MLLT3: variants seen among roughly 807,000 people sequenced by gnomAD.
MLLT3 encodes protein AF-9.
Under a neutral mutation model 53.2 loss-of-function variants are expected in MLLT3, and 4 were observed. That is an observed-to-expected ratio of 0.08 (90% CI 0.04 to 0.17). The LOEUF is 0.17. Among genes scored for constraint, MLLT3 ranks in the 10% least tolerant of loss-of-function variants. MLLT3 has a pLI of 1.00. For missense variants in MLLT3, 569 were observed against 684.0 expected (o/e 0.83, Z 1.87); for synonymous variants, 283 against 230.6 (o/e 1.23, Z -2.06).
Position 20,493,970 on chromosome 9 carries a change from C to T in MLLT3, c.194-37184G>A, listed in dbSNP as rs12682975. ...TACCTCCTTCCTCACTTTTCTGGAA[C>T]GCACATTTCCAACATACTCAACCAT... is the stretch of plus-strand genomic sequence containing the variant. On this transcript the variant is annotated intron_variant, in intron 2 of 10. Coordinates refer to ENST00000380338, the MANE Select transcript of MLLT3 (RefSeq NM_004529.4). 3.5e-4 allele frequency among the ~76,000 whole-genome samples: 54 copies of T among 152,140 alleles called. 2 individuals are homozygous for T. In the East Asian group the frequency reaches 6.2e-3, roughly 17 times the overall value.
intron 5 of MLLT3, among the ~76,000 whole-genome samples, chr9:20,408,882 CTTCT>C (rs1822654555): frequency 6.6e-6 from 1 of 151,528 alleles, no homozygotes; most frequent in Non-Finnish European, 1.5e-5. Flanking sequence ...TTTTTTTTTC[CTTCT>C]TTCTTTTTGA....
chr9:20,521,770 A>T (rs2118980552), intron 2 of MLLT3, among the ~76,000 whole-genome samples: 1 of 152,278 alleles, frequency 6.6e-6, no homozygotes, highest in Middle Eastern at 3.4e-3. Flanking sequence ...ATGGAGAAAA[A>T]TCCCTTATTG....
intron 2 of MLLT3, among the ~76,000 whole-genome samples, chr9:20,594,503 T>G (rs939911655): frequency 1.3e-5 from 2 of 152,104 alleles, no homozygotes; most frequent in Non-Finnish European, 2.9e-5. Context: ...TCAGAGGTGT[T>G]TGAACCAGAG....
chr9:20,552,022 C>T (rs1193519667), intron 2 of MLLT3, among the ~76,000 whole-genome samples: 5 of 152,190 alleles, frequency 3.3e-5, no homozygotes, highest in Non-Finnish European at 4.4e-5. Context: ...TCCACCCACC[C>T]GGATCCCTTT....
intron 5 of MLLT3, among the ~76,000 whole-genome samples, chr9:20,374,654 C>A (rs1338669895): frequency 6.6e-6 from 1 of 152,068 alleles, no homozygotes; most frequent in African/African-American, 2.4e-5. Flanking sequence ...TTAGTAACTG[C>A]TTCAAAAACA....
intron 2 of MLLT3, among the ~76,000 whole-genome samples, chr9:20,499,362 T>G (rs766532525): frequency 1.3e-5 from 2 of 152,190 alleles, no homozygotes; most frequent in Non-Finnish European, 2.9e-5. Flanking sequence ...GTTTAATATG[T>G]TTTTAAAACC....
At chr9:20,478,539 G>A (rs1454551760) in intron 2 of MLLT3, among the ~76,000 whole-genome samples, 2 of 152,086 alleles carry the variant, frequency 1.3e-5, no homozygotes, top group African/African-American at 2.4e-5. Context: ...CCAACTGATC[G>A]TAGTCTTATA....
At chr9:20,494,862 ACAGGTAC>A (rs1825042616) in intron 2 of MLLT3, among the ~76,000 whole-genome samples, 1 of 152,200 alleles carries the variant, frequency 6.6e-6, no homozygotes, top group Non-Finnish European at 1.5e-5. Flanking sequence ...TATTAATTTT[ACAGGTAC>A]CAAATGGATC....
At chr9:20,526,187 A>C (rs928406544) in intron 2 of MLLT3, among the ~76,000 whole-genome samples, 1 of 152,244 alleles carries the variant, frequency 6.6e-6, no homozygotes, top group Non-Finnish European at 1.5e-5. Context: ...TTTAAAAAGT[A>C]AGCTTATCAA....
intron 5 of MLLT3, among the ~76,000 whole-genome samples, chr9:20,399,892 G>T (rs1242684912): frequency 1.3e-5 from 2 of 152,016 alleles, no homozygotes; most frequent in South Asian, 2.1e-4. Context: ...TGCTGGTTTG[G>T]GGGGAGAAAG....
At chr9:20,519,587 T>C (rs1229541722) in intron 2 of MLLT3, among the ~76,000 whole-genome samples, 2 of 152,026 alleles carry the variant, frequency 1.3e-5, no homozygotes, top group African/African-American at 2.4e-5. Context: ...CCAACAATCA[T>C]ATGAAAAAAA....
intron 2 of MLLT3, among the ~76,000 whole-genome samples, chr9:20,457,830 T>G (rs1824009855): frequency 6.6e-6 from 1 of 152,138 alleles, no homozygotes; most frequent in African/African-American, 2.4e-5. Context: ...CCACTAAAAT[T>G]TCAATTAAAC....
At chr9:20,378,750 A>T (rs1239291005) in intron 5 of MLLT3, among the ~76,000 whole-genome samples, 1 of 152,064 alleles carries the variant, frequency 6.6e-6, no homozygotes, top group East Asian at 1.9e-4. Context: ...AGTTTGTAAA[A>T]ATATATCTAT....
intron 5 of MLLT3, among the ~76,000 whole-genome samples, chr9:20,407,111 T>C (rs1563953404): frequency 6.6e-6 from 1 of 152,306 alleles, no homozygotes; most frequent in East Asian, 1.9e-4. Context: ...AGCCTACATT[T>C]TGAATAACTT....
At position 20,523,885 on chromosome 9, in the gene MLLT3, C is replaced by T. The variant is rs189019706; in HGVS notation, c.194-67099G>A. Among the ~76,000 whole-genome samples, 997 of 151,550 alleles carry T rather than the reference C, an allele frequency of 6.6e-3. 6 individuals are homozygous for T. The highest frequency in any genetic ancestry group is 8.9e-3 in the Non-Finnish European group (605 of 67,884). ...ACTTAGAAGGCTGAAATGGGAAGTT[C>T]GCTTGAGTTCAGGAGGTGGAGGTTA... On this transcript the variant is annotated intron_variant, in intron 2 of 10. Coordinates refer to ENST00000380338, the MANE Select transcript of MLLT3 (RefSeq NM_004529.4).
At chr9:20,366,113 A>G (rs1461015521) in intron 5 of MLLT3, among the ~76,000 whole-genome samples, 1 of 152,148 alleles carries the variant, frequency 6.6e-6, no homozygotes, top group Non-Finnish European at 1.5e-5. Context: ...GGTGTGTTAC[A>G]TAGGTATACA....
intron 4 of MLLT3, among the ~76,000 whole-genome samples, chr9:20,436,621 T>C (rs1327444240): frequency 1.3e-5 from 2 of 152,148 alleles, no homozygotes; most frequent in East Asian, 3.8e-4. Context: ...AGAAAGCTAA[T>C]ATCACTATGT....
Position 20,413,912 on chromosome 9 carries a change from T to C in MLLT3, c.934A>G (p.Ser312Gly), listed in dbSNP as rs150329627. The part of the protein sequence containing the change: ...SSEALFKSFS[S>G]APPLILTCSA... ...CAAGTGAGTATCAGTGGTGGTGCGC[T>C]AGAAAAACTTTTAAATAAAGCCTCT... The change falls in exon 5 of 11, where the codon AGC (serine) becomes GGC (glycine). Residue 312 changes from serine to glycine, a missense_variant. By Grantham distance (56) the Ser-to-Gly change is moderately conservative. This residue lies in a region of MLLT3 where 437 missense variants were observed against 376.5 expected (regional missense o/e 1.16). Transcript: ENST00000380338. The C allele has an allele frequency of 1.5e-4, 248 of 1,613,426 alleles. 1 individual carries two copies. Among genetic ancestry groups the C allele is most frequent in the Non-Finnish European group, 2.0e-4 (233 of 1,179,898 alleles).
chr9:20,431,734 T>C (rs534712721), intron 4 of MLLT3, among the ~76,000 whole-genome samples: 2 of 152,216 alleles, frequency 1.3e-5, no homozygotes, highest in East Asian at 3.9e-4. Context: ...AGGGGTAATC[T>C]AGATATCTAG....
Sources: allele counts gnomAD v4.1 joint callset (sites outside exome capture counted in the v4.1 genomes callset), GRCh38; gene constraint gnomAD v4.1.1; regional missense constraint gnomAD v4.1.1; transcripts MANE v1.5; gene names NCBI Gene and HGNC (gene_info 2026-07-23, HGNC 2026-07-21).